WASHC2A: variants seen among roughly 807,000 people sequenced by gnomAD.
WASHC2A encodes the protein WASH complex subunit FAM21A.
A neutral mutation model predicts 140.3 loss-of-function variants in WASHC2A; 82 were observed. The observed-to-expected ratio is 0.58, with a 90% CI of 0.49 to 0.70. The LOEUF (loss-of-function observed/expected upper bound fraction) is 0.70. Among genes scored for constraint, WASHC2A ranks in the 30% least tolerant of loss-of-function variants. The probability of loss-of-function intolerance (pLI) is 0.00; values close to 1 mark genes in which losing one functional copy is unlikely to be tolerated. For missense variants in WASHC2A, 985 were observed against 1,521.8 expected (o/e 0.65, Z 5.87); for synonymous variants, 340 against 560.8 (o/e 0.61, Z 5.56).
intron 13 of WASHC2A, among the ~76,000 whole-genome samples, chr10:50,094,940 C>G (rs1840322254): frequency 6.6e-6 from 1 of 151,560 alleles, no homozygotes; most frequent in South Asian, 2.1e-4. Context: ...ATTGGAGTCA[C>G]AGCTCAGATT....
At chr10:50,107,236 T>A (rs1391887511) in intron 19 of WASHC2A, among the ~76,000 whole-genome samples, 1 of 99,572 alleles carries the variant, frequency 1.0e-5, no homozygotes, top group African/African-American at 3.6e-5. Flanking sequence ...TATATACTAG[T>A]ATCTTGTTAA....
intron 27 of WASHC2A, 125 bp downstream of exon 27, chr10:50,127,347 A>T: frequency 1.9e-6 from 3 of 1,577,358 alleles, no homozygotes; most frequent in Non-Finnish European, 1.7e-6. Context: ...CCTCCCCTGC[A>T]CCTAGTTGTT....
At chr10:50,104,008 C>T (rs1554887701) in intron 17 of WASHC2A, 34 bp from the exon 18 acceptor site, 9 of 1,527,212 alleles carry the variant, frequency 5.9e-6, no homozygotes, top group Non-Finnish European at 8.1e-6. Flanking sequence ...ACTGATATTC[C>T]TGTTAACCAG....
At chr10:50,078,785 G>A in intron 4 of WASHC2A, 48 bp downstream of exon 4, 12 of 1,612,024 alleles carry the variant, frequency 7.4e-6, no homozygotes, top group Non-Finnish European at 1.0e-5. Flanking sequence ...TTTGAAAAAT[G>A]TGGTGGAGAT....
chr10:50,078,304 A>T lies in WASHC2A; in HGVS notation c.292-371A>T, dbSNP rs1399045711. Among the ~76,000 whole-genome samples, 25 of 152,328 alleles carry T rather than the reference A, an allele frequency of 1.6e-4. 1 individual carries two copies. Among genetic ancestry groups the T allele is most frequent in the African/African-American group, 6.0e-4 (25 of 41,582 alleles). On this transcript the variant is annotated intron_variant, in intron 3 of 30. Coordinates refer to ENST00000282633, the MANE Select transcript of WASHC2A (RefSeq NM_001005751.3). ...CCTAGTTGATAAATTACATCAGTTG[A>T]CATTCTCCATAACCTGGGGTCAGAA... is the stretch of plus-strand genomic sequence containing the variant.
At chr10:50,110,703 C>T (rs1842210531) in intron 20 of WASHC2A, among the ~76,000 whole-genome samples, 1 of 151,728 alleles carries the variant, frequency 6.6e-6, no homozygotes, top group African/African-American at 2.4e-5. Context: ...CCAGCCTGGC[C>T]AATATGGTGA....
intron 27 of WASHC2A, 127 bp downstream of exon 27, chr10:50,127,349 C>T (rs1372070193): frequency 6.4e-6 from 10 of 1,570,422 alleles, no homozygotes; most frequent in Admixed American, 1.7e-5. Context: ...TCCCCTGCAC[C>T]TAGTTGTTGT....
In WASHC2A at chr10:50,126,531, A is replaced by T. The variant is rs1288407621; in HGVS notation, c.2811+352A>T. The T allele has an allele frequency of 3.2e-5, 8 of 247,972 alleles. No homozygotes were observed. In the East Asian group the frequency reaches 8.8e-4, roughly 27 times the overall value. The allele number at this position is 247,972 out of a possible 1,614,324, so 15.4% of individuals were successfully genotyped here. ...TAAAATAGAAATAAATATAAATTAC[A>T]TCTGATTTCCTGCCTGCTCTCAGTG... On this transcript the variant is annotated intron_variant, in intron 26 of 30. Transcript: ENST00000282633.
At chr10:50,093,961 A>C (rs1209721119) in intron 13 of WASHC2A, 44 bp downstream of exon 13, 26 of 1,544,478 alleles carry the variant, frequency 1.7e-5, no homozygotes, top group Non-Finnish European at 2.0e-5. Flanking sequence ...GCAGAGTTCC[A>C]AAACTGTCTT....
chr10:50,072,677 A>T (rs1837971493), intron 3 of WASHC2A, among the ~76,000 whole-genome samples: 1 of 151,914 alleles, frequency 6.6e-6, no homozygotes, highest in Non-Finnish European at 1.5e-5. Flanking sequence ...TTTAGTAGAG[A>T]TGGGGTTTCA....
chr10:50,088,302 G>C (rs1259747433), intron 8 of WASHC2A, among the ~76,000 whole-genome samples: 1 of 145,918 alleles, frequency 6.9e-6, no homozygotes. Flanking sequence ...GTCTCGCTCT[G>C]TTGCCTAGGC....
chr10:50,132,436 C>T (rs1260421630), intron 30 of WASHC2A, among the ~76,000 whole-genome samples: 2 of 152,218 alleles, frequency 1.3e-5, no homozygotes, highest in Non-Finnish European at 2.9e-5. Context: ...TTTCCCTTTG[C>T]GTATTTTTAT....
chr10:50,120,700 C>G (rs1189459938), intron 23 of WASHC2A, among the ~76,000 whole-genome samples: 28 of 147,042 alleles, frequency 1.9e-4, no homozygotes, highest in Admixed American at 5.3e-4. Context: ...ACAGTGACAT[C>G]ACCAGAAAGC....
intron 20 of WASHC2A, among the ~76,000 whole-genome samples, chr10:50,113,177 G>A (rs1394983752): frequency 4.8e-4 from 72 of 151,314 alleles, no homozygotes; most frequent in African/African-American, 1.6e-3. Flanking sequence ...AGACCAGCCT[G>A]AGCAACATAG....
At chr10:50,092,897 GT>G (rs1337961215) in intron 11 of WASHC2A, among the ~76,000 whole-genome samples, 1 of 151,646 alleles carries the variant, frequency 6.6e-6, no homozygotes, top group Non-Finnish European at 1.5e-5. Flanking sequence ...CCCTGTGTCA[GT>G]TTGCAGATCC....
At chr10:50,095,887 C>T in intron 15 of WASHC2A, 109 bp downstream of exon 15, 3 of 1,409,618 alleles carry the variant, frequency 2.1e-6, no homozygotes, top group South Asian at 1.4e-5. Flanking sequence ...AGAATCCCTT[C>T]TCCAGCATTC....
At chr10:50,073,009 G>C (rs535162631) in intron 3 of WASHC2A, among the ~76,000 whole-genome samples, 1 of 152,284 alleles carries the variant, frequency 6.6e-6, no homozygotes, top group South Asian at 2.1e-4. Flanking sequence ...GGCGAGAACA[G>C]TCAGGACTTT....
chr10:50,092,874 A>G (rs1840067871), intron 11 of WASHC2A, among the ~76,000 whole-genome samples: 3 of 152,126 alleles, frequency 2.0e-5, no homozygotes, highest in Admixed American at 2.0e-4. Flanking sequence ...CATGTCCATT[A>G]CATTAGACTT....
intron 15 of WASHC2A, among the ~76,000 whole-genome samples, chr10:50,097,075 G>T (rs1328236892): frequency 7.6e-6 from 1 of 131,266 alleles, no homozygotes; most frequent in African/African-American, 2.6e-5. Flanking sequence ...GGTACATTAA[G>T]TGGAAAACAC....
Sources: gnomAD v4.1 joint callset for allele counts (sites outside exome capture counted in the v4.1 genomes callset) on GRCh38, gnomAD v4.1.1 for gene constraint, MANE v1.5 for transcripts, NCBI Gene and HGNC (gene_info 2026-07-23, HGNC 2026-07-21) for gene names.